Variants in ASAP1 observed in about 807,000 individuals in gnomAD.
ASAP1 encodes arf-GAP with SH3 domain, ANK repeat and PH domain-containing protein 1.
Under a neutral mutation model 145.2 loss-of-function variants are expected in ASAP1, and 43 were observed. That is an observed-to-expected ratio of 0.30 (90% CI 0.23 to 0.38). The LOEUF (loss-of-function observed/expected upper bound fraction) is 0.38, where lower values mean the gene tolerates loss of function less well. Among genes scored for constraint, ASAP1 ranks in the 10% least tolerant of loss-of-function variants. The pLI, the probability that ASAP1 is intolerant of heterozygous loss-of-function variation, is 1.00. For synonymous variants in ASAP1, 546 were observed against 515.5 expected, an observed-to-expected ratio of 1.06 and a Z score of -0.80; for missense variants, 1,018 against 1,355.3, an observed-to-expected ratio of 0.75 and a Z score of 3.91.
At chr8:130,380,977 G>A (rs1421792967) in intron 2 of ASAP1, among the ~76,000 whole-genome samples, 27 of 151,982 alleles carry the variant, frequency 1.8e-4, no homozygotes, top group East Asian at 1.9e-4. Flanking sequence ...CTCGCCTCCC[G>A]GGTTCAAGTG....
At position 130,060,997 on chromosome 8, in the gene ASAP1, G is replaced by C; in HGVS notation, c.2774C>G (p.Ser925Ter). The change falls in exon 28 of 30, where the codon TCA becomes TGA. Residue 925 changes from serine (S) to a stop codon, truncating the protein, a stop_gained. Transcript: ENST00000518721. LOFTEE classifies it high-confidence loss of function. ...CTTTTGTGGCAACTCTGCCAACTGT[G>C]ATGATTTCTGAAAGATTTCGGGCGG... ...TIPPEIFQKS[S>*]QLAELPQKPP... is the part of the protein sequence containing the mutation. The C allele has an allele frequency of 6.4e-7, 1 of 1,569,486 alleles. No homozygotes were observed. The highest frequency in any genetic ancestry group is 8.6e-7 in the Non-Finnish European group (1 of 1,161,014).
At chr8:130,270,071 G>A (rs754884144) in intron 3 of ASAP1, among the ~76,000 whole-genome samples, 14 of 152,202 alleles carry the variant, frequency 9.2e-5, no homozygotes, top group African/African-American at 3.4e-4. Context: ...TCTGGAGGCC[G>A]AGGCACAAGA....
chr8:130,238,449 C>T (rs1422474001), intron 3 of ASAP1, among the ~76,000 whole-genome samples: 1 of 152,234 alleles, frequency 6.6e-6, no homozygotes, highest in South Asian at 2.1e-4. Flanking sequence ...AACCTTCCTA[C>T]AGTCTGAGTA....
intron 5 of ASAP1, among the ~76,000 whole-genome samples, chr8:130,197,384 A>G (rs1815569552): frequency 6.6e-6 from 1 of 152,190 alleles, no homozygotes; most frequent in South Asian, 2.1e-4. Context: ...AGCTGAGATC[A>G]TGCCATTGCG....
chr8:130,394,082 G>A (rs1190787275), intron 2 of ASAP1, among the ~76,000 whole-genome samples: 1 of 152,184 alleles, frequency 6.6e-6, no homozygotes, highest in Admixed American at 6.5e-5. Flanking sequence ...TAGAGCATGT[G>A]TGTTTGAACA....
intron 3 of ASAP1, among the ~76,000 whole-genome samples, chr8:130,317,255 C>T (rs908614777): frequency 6.6e-6 from 1 of 152,144 alleles, no homozygotes; most frequent in African/African-American, 2.4e-5. Context: ...TTATTTTTCA[C>T]TCACCAATCC....
intron 7 of ASAP1, among the ~76,000 whole-genome samples, chr8:130,185,876 A>T (rs1814691787): frequency 6.6e-6 from 1 of 152,196 alleles, no homozygotes; most frequent in African/African-American, 2.4e-5. Flanking sequence ...TAAGCACCAG[A>T]TACTTCTAGG....
intron 1 of ASAP1, among the ~76,000 whole-genome samples, chr8:130,437,805 G>C (rs952892483): frequency 6.6e-6 from 1 of 152,110 alleles, no homozygotes; most frequent in Non-Finnish European, 1.5e-5. Context: ...ATCCTCCCCA[G>C]CTGGCTTCTG....
At chr8:130,188,787 G>T (rs7813449) in intron 5 of ASAP1, among the ~76,000 whole-genome samples, 1 of 150,250 alleles carries the variant, frequency 6.7e-6, no homozygotes, top group Non-Finnish European at 1.5e-5. Context: ...TAGCTCCAGA[G>T]CTTGTGTTCT....
At chr8:130,139,805 T>G (rs551546214) in intron 13 of ASAP1, among the ~76,000 whole-genome samples, 11 of 151,802 alleles carry the variant, frequency 7.2e-5, no homozygotes, top group African/African-American at 2.7e-4. Context: ...TAGACACTAT[T>G]CACATTTGAA....
intron 3 of ASAP1, among the ~76,000 whole-genome samples, chr8:130,247,472 T>C (rs1479567570): frequency 6.6e-6 from 1 of 152,108 alleles, no homozygotes; most frequent in Non-Finnish European, 1.5e-5. Flanking sequence ...CATAACCATG[T>C]TGCTCTCCAA....
At position 130,159,914 on chromosome 8, in the gene ASAP1, A is replaced by C. The variant is rs1245449971; in HGVS notation, c.960T>G (p.Asn320Lys). Residue 320 changes from asparagine (N) to lysine (K), a missense_variant, in exon 12 of 30, where the codon AAT becomes AAG. Around this residue, in one of 9 missense-constraint regions of ASAP1, gnomAD observed 27 missense variants for 88.2 expected, o/e 0.31. Coordinates refer to ENST00000518721, the MANE Select transcript of ASAP1 (RefSeq NM_018482.4). ...CCTTCTTTTCACTGCCATATTCCTT[A>C]TTGCCCTGGAGCTGATGCATGCTGT... Reference protein sequence around the residue: ...GGYSMHQLQGNKEYGSEKKGY... With the variant: ...GGYSMHQLQGKKEYGSEKKGY... The C allele has an allele frequency of 2.5e-6, 4 of 1,613,924 alleles. No individual in the cohort carries two copies. The African/African-American group carries it at 5.3e-5, about 22-fold the overall frequency.
chr8:130,175,191 C>A (rs1813868491), intron 9 of ASAP1, among the ~76,000 whole-genome samples: 1 of 152,066 alleles, frequency 6.6e-6, no homozygotes, highest in South Asian at 2.1e-4. Flanking sequence ...ATGTTGAGCA[C>A]CTTTTCACGT....
rs538779819 is a variant in ASAP1 at position 130,305,827 on chromosome 8, C to G, written c.186+52190G>C. On this transcript the variant is annotated intron_variant, in intron 3 of 29. Coordinates refer to ENST00000518721, the MANE Select transcript of ASAP1 (RefSeq NM_018482.4). ...AACTGGACCACTCAAATGGACTTTA[C>G]TACCAGCTGTTTCACTGGCACCCCC... Among the ~76,000 whole-genome samples, 10 of 152,308 alleles carry G rather than the reference C, an allele frequency of 6.6e-5. No individual in the cohort carries two copies. The South Asian group carries it at 2.1e-3, about 32-fold the overall frequency.
At chr8:130,175,528 T>C (rs1187057605) in intron 9 of ASAP1, among the ~76,000 whole-genome samples, 1 of 152,126 alleles carries the variant, frequency 6.6e-6, no homozygotes, top group Non-Finnish European at 1.5e-5. Flanking sequence ...ACCTGGACTG[T>C]TGTTGAGTTT....
intron 3 of ASAP1, among the ~76,000 whole-genome samples, chr8:130,297,161 T>A (rs1343346320): frequency 1.3e-5 from 2 of 152,244 alleles, no homozygotes; most frequent in Admixed American, 1.3e-4. Context: ...GGCCAGGCGC[T>A]GCACTGGTTT....
intron 27 of ASAP1, among the ~76,000 whole-genome samples, chr8:130,064,558 C>T (rs1364285107): frequency 6.6e-6 from 1 of 152,136 alleles, no homozygotes; most frequent in Non-Finnish European, 1.5e-5. Flanking sequence ...TTTCCCTCTA[C>T]TCTCACACCA....
At chr8:130,346,428 T>C (rs1200148107) in intron 3 of ASAP1, among the ~76,000 whole-genome samples, 1 of 152,256 alleles carries the variant, frequency 6.6e-6, no homozygotes, top group African/African-American at 2.4e-5. Context: ...TTCTTTTTCA[T>C]TAGCATTGCA....
At chr8:130,285,077 G>C (rs1821523766) in intron 3 of ASAP1, among the ~76,000 whole-genome samples, 2 of 152,112 alleles carry the variant, frequency 1.3e-5, no homozygotes, top group African/African-American at 2.4e-5. Context: ...CTTATAATTT[G>C]AGTCTTCCTT....
Sources: gnomAD v4.1 joint callset for allele counts (sites outside exome capture counted in the v4.1 genomes callset) on GRCh38, gnomAD v4.1.1 for gene constraint, gnomAD v4.1.1 regional missense constraint, MANE v1.5 for transcripts, NCBI Gene and HGNC (gene_info 2026-07-23, HGNC 2026-07-21) for gene names.